Variants in ANO10 observed in about 807,000 individuals in gnomAD.
ANO10 encodes the protein anoctamin 10.
In ANO10, 77 loss-of-function variants were observed where a neutral mutation model predicts 74.7. The ratio of observed to expected loss-of-function variants is 1.03; its 90% CI spans 0.86 to 1.25. The LOEUF is 1.25. Among genes scored for constraint, ANO10 ranks in the 50% most tolerant of loss-of-function variants. The pLI, the probability that ANO10 is intolerant of heterozygous loss-of-function variation, is 0.00. For missense variants in ANO10, 721 were observed against 778.1 expected (o/e 0.93, Z 0.87); for synonymous variants, 279 against 284.9 (o/e 0.98, Z 0.21).
intron 12 of ANO10, among the ~76,000 whole-genome samples, chr3:43,405,465 A>G (rs1452233508): frequency 6.6e-6 from 1 of 152,162 alleles, no homozygotes; most frequent in African/African-American, 2.4e-5. Flanking sequence ...AGAAACTGGC[A>G]AATTATTCAA....
chr3:43,636,086 C>T (rs1314132231), intron 1 of ANO10, among the ~76,000 whole-genome samples: 1 of 151,822 alleles, frequency 6.6e-6, no homozygotes, highest in Non-Finnish European at 1.5e-5. Flanking sequence ...CGGAAGCAGA[C>T]CCTGAAACAA....
intron 12 of ANO10, among the ~76,000 whole-genome samples, chr3:43,388,360 C>G (rs1426720172): frequency 6.6e-6 from 1 of 152,136 alleles, no homozygotes; most frequent in Non-Finnish European, 1.5e-5. Flanking sequence ...TGGCAGCCAG[C>G]ATTATGCACA....
intron 11 of ANO10, among the ~76,000 whole-genome samples, chr3:43,433,250 C>G (rs1452002750): frequency 6.6e-6 from 1 of 152,056 alleles, no homozygotes; most frequent in Non-Finnish European, 1.5e-5. Context: ...ACCCAGCCAA[C>G]TTTATTCTTT....
At chr3:43,397,854 A>C (rs967035299) in intron 12 of ANO10, among the ~76,000 whole-genome samples, 9 of 152,148 alleles carry the variant, frequency 5.9e-5, no homozygotes, top group African/African-American at 1.9e-4. Flanking sequence ...TTCTATCTCT[A>C]TCTCTCAGAG....
intron 11 of ANO10, among the ~76,000 whole-genome samples, chr3:43,539,043 T>C (rs906810319): frequency 1.3e-5 from 2 of 152,216 alleles, no homozygotes; most frequent in South Asian, 2.1e-4. Flanking sequence ...GTTTTCATCA[T>C]GACCTTAGAG....
chr3:43,525,158 A>G (rs777458019), intron 11 of ANO10, among the ~76,000 whole-genome samples: 7 of 152,096 alleles, frequency 4.6e-5, no homozygotes, highest in Non-Finnish European at 1.0e-4. Context: ...GGTATCCTCA[A>G]TGTGGCCTGT....
At chr3:43,450,700 T>C (rs2148994656) in intron 11 of ANO10, among the ~76,000 whole-genome samples, 1 of 152,304 alleles carries the variant, frequency 6.6e-6, no homozygotes, top group Non-Finnish European at 1.5e-5. Flanking sequence ...TTCCTGAATA[T>C]GATATTCAAG....
At chr3:43,566,625 CCTGT>C (rs1221276089) in intron 7 of ANO10, among the ~76,000 whole-genome samples, 1 of 152,170 alleles carries the variant, frequency 6.6e-6, no homozygotes, top group Non-Finnish European at 1.5e-5. Flanking sequence ...AGCTGAGGGT[CCTGT>C]CTGTTAGAAG....
intron 4 of ANO10, 90 bp downstream of exon 4, chr3:43,598,432 TTGTAAGTTTG>T (rs2082187328): frequency 2.6e-6 from 3 of 1,164,490 alleles, no homozygotes; most frequent in Admixed American, 2.1e-5. Context: ...ATACAAGTTA[TTGTAAGTTTG>T]TGTAAGTTCT....
At chr3:43,624,882 G>A (rs1340283904), upstream of ANO10, among the ~76,000 whole-genome samples, 1 of 152,208 alleles carries the variant, frequency 6.6e-6, no homozygotes, top group Admixed American at 6.5e-5. Flanking sequence ...TCCATGCAAT[G>A]TTTTCTGACC....
At chr3:43,584,665 A>G (rs2081397928) in intron 4 of ANO10, among the ~76,000 whole-genome samples, 1 of 152,150 alleles carries the variant, frequency 6.6e-6, no homozygotes, top group African/African-American at 2.4e-5. Flanking sequence ...GACCCCAAGC[A>G]TAACATTTGG....
chr3:43,625,621 A>C (rs2083484462), upstream of ANO10, among the ~76,000 whole-genome samples: 1 of 152,242 alleles, frequency 6.6e-6, no homozygotes, highest in Non-Finnish European at 1.5e-5. Context: ...GTTCGAGAGC[A>C]TCTTCTCAGG....
chr3:43,565,832 C>A, intron 7 of ANO10, 105 bp from the exon 8 acceptor site: 1 of 1,227,092 alleles, frequency 8.1e-7, no homozygotes, highest in South Asian at 1.4e-5. Context: ...CGGGGAGGAG[C>A]CAAGAGGGCC....
At chr3:43,577,389 G>A (rs537730310) in intron 5 of ANO10, 128 bp from the exon 6 acceptor site, 22 of 933,334 alleles carry the variant, frequency 2.4e-5, no homozygotes, top group South Asian at 8.8e-5. Context: ...AACAGCGTGT[G>A]GTGGTAAATC....
chr3:43,421,871 C>T lies in ANO10; in HGVS notation c.1914+10740G>A, dbSNP rs976133733. On this transcript the variant is annotated intron_variant, in intron 12 of 12. Coordinates refer to ENST00000292246, the MANE Select transcript of ANO10 (RefSeq NM_018075.5). ...AAAGTTTTTTTATTGTGGTAAAATA[C>T]GTGTAACATAAAATCTCTACCTCCC... 1.1e-4 allele frequency among the ~76,000 whole-genome samples: 16 copies of T among 151,978 alleles called. 1 individual carries two copies. The highest frequency in any genetic ancestry group is 2.9e-4 in the African/African-American group (12 of 41,406).
At chr3:43,658,532 C>T (rs560297570) in intron 1 of ANO10, among the ~76,000 whole-genome samples, 23 of 151,982 alleles carry the variant, frequency 1.5e-4, no homozygotes, top group East Asian at 7.7e-4. Context: ...TGCAGTGGTG[C>T]GATCTCAGCT....
chr3:43,637,020 G>A (rs1023774224), intron 1 of ANO10, among the ~76,000 whole-genome samples: 1 of 152,028 alleles, frequency 6.6e-6, no homozygotes, highest in African/African-American at 2.4e-5. Context: ...ATAAAAGTTA[G>A]CCAGGCAGAC....
chr3:43,427,426 C>T (rs780438652), intron 12 of ANO10, among the ~76,000 whole-genome samples: 60 of 152,296 alleles, frequency 3.9e-4, no homozygotes, highest in Admixed American at 1.3e-3. Flanking sequence ...ATGTAAAATG[C>T]ACAACCCTAT....
chr3:43,589,010 A>G (rs931711615), intron 4 of ANO10, among the ~76,000 whole-genome samples: 1 of 152,210 alleles, frequency 6.6e-6, no homozygotes, highest in African/African-American at 2.4e-5. Flanking sequence ...TATACGTAAT[A>G]TAAATTAACT....
Sources: allele counts gnomAD v4.1 joint callset (sites outside exome capture counted in the v4.1 genomes callset), GRCh38; gene constraint gnomAD v4.1.1; transcripts MANE v1.5; gene names NCBI Gene and HGNC (gene_info 2026-07-23, HGNC 2026-07-21).